The following LEMD2 variants were observed in gnomAD, a reference collection of about 807,000 sequenced individuals.
LEMD2 encodes the protein LEM domain-containing protein 2.
In LEMD2, 34 loss-of-function variants were observed where a neutral mutation model predicts 58.8. The observed-to-expected ratio is 0.58, with a 90% CI of 0.44 to 0.77. The LOEUF (loss-of-function observed/expected upper bound fraction) is 0.77. LEMD2 is among the 30% of genes least tolerant of loss of function. The probability of loss-of-function intolerance (pLI) is 0.00; values close to 1 mark genes in which losing one functional copy is unlikely to be tolerated. For synonymous variants in LEMD2, 298 were observed against 308.9 expected, an observed-to-expected ratio of 0.96 and a Z score of 0.37; for missense variants, 629 against 717.9, an observed-to-expected ratio of 0.88 and a Z score of 1.42.
rs144947862 is a variant in LEMD2, at chr6:33,772,511, C to G, written c.*117G>C. ...GCAGACCTTTGGAATCGTGTCAGGA[C>G]GAGACTGAAAGTCAAGGCAAGTGTG... On this transcript the variant is annotated 3_prime_UTR_variant, in exon 9 of 9. Transcript: ENST00000293760. The G allele has an allele frequency of 5.2e-6, 5 of 953,520 alleles. No homozygotes were observed. The highest frequency in any genetic ancestry group is 3.3e-5 in the South Asian group (2 of 60,212). 59.1% of individuals were successfully genotyped at this position (953,520 alleles called of 1,614,324 possible).
chr6:33,783,013 G>A (rs955348777), intron 3 of LEMD2, among the ~76,000 whole-genome samples: 4 of 152,222 alleles, frequency 2.6e-5, no homozygotes, highest in Admixed American at 2.6e-4. Context: ...ACCCAATTTC[G>A]AGCAGTGCTT....
rs375181086 is a variant in LEMD2, at chr6:33,786,962, G to A, written c.737-188C>T. The A allele has an allele frequency of 7.4e-5, 100 of 1,344,396 alleles. No homozygotes were observed. The Middle Eastern group carries it at 7.6e-4, about 10-fold the overall frequency. The allele number at this position is 1,344,396 out of a possible 1,614,324, so 83.3% of individuals were successfully genotyped here. A position where few individuals can be genotyped will look rare whatever the true frequency, so the allele number is the denominator to read the frequency against. ...AAAATGTAAGGGTATCCAAATCCTG[G>A]ATTAGGAATTACGATAGCTGGGTCC... On this transcript the variant is annotated intron_variant, in intron 1 of 8. Coordinates refer to ENST00000293760, the MANE Select transcript of LEMD2 (RefSeq NM_181336.4).
rs1393563324 is a variant in LEMD2, at chr6:33,778,412, A to T, written c.1011-25T>A. The T allele has an allele frequency of 1.4e-5, 20 of 1,467,624 alleles. No homozygotes were observed. In the East Asian group the frequency reaches 4.8e-4, roughly 35 times the overall value. The allele number at this position is 1,467,624 out of a possible 1,614,324, so 90.9% of individuals were successfully genotyped here. On this transcript the variant is annotated intron_variant, in intron 5 of 8. Transcript: ENST00000293760. This position sits in a 1 kb window ranked among gnomAD's most constrained non-coding sequence, Gnocchi z 4.7. ...CCTGAAACAGGACACAGGGCTCTGA[A>T]CATGTTGGAAAGCTCCAAGGAGAGG... is the stretch of plus-strand genomic sequence containing the variant.
chr6:33,780,377 T>G (rs1582257575), intron 4 of LEMD2, 198 bp from the exon 5 acceptor site: 1 of 603,988 alleles, frequency 1.7e-6, no homozygotes, highest in African/African-American at 1.8e-5. Context: ...CCAGAGGAGG[T>G]GATGCGGAAG....
intron 2 of LEMD2, among the ~76,000 whole-genome samples, chr6:33,786,498 G>A (rs1767680046): frequency 6.6e-6 from 1 of 152,158 alleles, no homozygotes; most frequent in African/African-American, 2.4e-5. Flanking sequence ...ACATTTGATG[G>A]GAAAGTGTCC....
At chr6:33,788,353 C>T (rs1461767423) in intron 1 of LEMD2, 28 bp downstream of exon 1, 11 of 1,524,918 alleles carry the variant, frequency 7.2e-6, no homozygotes, top group Admixed American at 3.9e-5. Flanking sequence ...GCGCCCAGGG[C>T]CCTCCCCTGC....
Position 33,778,498 on chromosome 6 carries a change from C to T in LEMD2, c.1011-111G>A. 2 of 816,548 alleles carry T rather than the reference C, an allele frequency of 2.4e-6. No homozygotes were observed. The highest frequency in any genetic ancestry group is 3.3e-4 in the Middle Eastern group (1 of 3,048). 50.6% of individuals were successfully genotyped at this position (816,548 alleles called of 1,614,324 possible). ...GGAAAGTGGGGACGCAAGGCCTCTA[C>T]TTGCTTATAGAATAGGCTTGGTATC... On this transcript the variant is annotated intron_variant, in intron 5 of 8. Coordinates refer to ENST00000293760, the MANE Select transcript of LEMD2 (RefSeq NM_181336.4). This position sits in a 1 kb window ranked among gnomAD's most constrained non-coding sequence, Gnocchi z 4.7.
At position 33,772,309 on chromosome 6, in the gene LEMD2, C is replaced by T. The variant is rs1398152858; in HGVS notation, c.*319G>A. On this transcript the variant is annotated 3_prime_UTR_variant, in exon 9 of 9. Transcript: ENST00000293760. ...GCCATGCCCCAGCCCACCAGCCCCA[C>T]GCTTGTCAGCTGGGCCTGACAGCTG... 4 of 212,800 alleles carry T rather than the reference C, an allele frequency of 1.9e-5. No homozygotes were observed. Among genetic ancestry groups the T allele is most frequent in the East Asian group, 1.3e-4 (1 of 7,822 alleles). 13.2% of individuals were successfully genotyped at this position (212,800 alleles called of 1,614,324 possible).
chr6:33,771,243 G>T lies in LEMD2; in HGVS notation c.*1385C>A, dbSNP rs1332014648. On this transcript the variant is annotated 3_prime_UTR_variant, in exon 9 of 9. Coordinates refer to ENST00000293760, the MANE Select transcript of LEMD2 (RefSeq NM_181336.4). ...TTTTAATAAATAGTTTATTCATCCA[G>T]CAGTTTCAGCCCTGATACTGAAGCC... The T allele has an allele frequency of 1.3e-5, 2 of 152,242 alleles. No homozygotes were observed. The highest frequency in any genetic ancestry group is 2.9e-5 in the Non-Finnish European group (2 of 68,054). 9.4% of individuals were successfully genotyped at this position (152,242 alleles called of 1,614,324 possible).
At chr6:33,779,154 C>T (rs1411557343) in intron 5 of LEMD2, 1 of 152,160 alleles carries the variant, frequency 6.6e-6, no homozygotes. Flanking sequence ...TGAGTGTCAT[C>T]ATTCTTCTGT....
chr6:33,772,983 A>C (rs1767339503), intron 8 of LEMD2, among the ~76,000 whole-genome samples: 1 of 152,358 alleles, frequency 6.6e-6, no homozygotes, highest in South Asian at 2.1e-4. Flanking sequence ...TCACTGATCC[A>C]AACACATTCA....
intron 1 of LEMD2, chr6:33,787,005 G>T (rs1417439748): frequency 2.1e-6 from 2 of 939,164 alleles, no homozygotes; most frequent in Admixed American, 7.3e-5. Context: ...AGCTGAAAAT[G>T]ATTAGCTCAA....
At chr6:33,780,452 G>A (rs995228009) in intron 4 of LEMD2, among the ~76,000 whole-genome samples, 3 of 152,232 alleles carry the variant, frequency 2.0e-5, no homozygotes, top group African/African-American at 7.2e-5. Flanking sequence ...GAGGATGGAA[G>A]CATCAGGCCA....
chr6:33,776,852 C>A, intron 8 of LEMD2, 102 bp downstream of exon 8: 1 of 943,772 alleles, frequency 1.1e-6, no homozygotes, highest in East Asian at 2.6e-5. Flanking sequence ...CTGCACTGCC[C>A]TCAGCTGACA....
intron 1 of LEMD2, chr6:33,787,049 G>T: frequency 2.1e-6 from 1 of 479,578 alleles, no homozygotes; most frequent in Non-Finnish European, 3.5e-6. Flanking sequence ...CTGAACCTCT[G>T]TCTCCTCGTC....
intron 1 of LEMD2, among the ~76,000 whole-genome samples, chr6:33,787,873 T>A (rs941914215): frequency 6.6e-6 from 1 of 152,224 alleles, no homozygotes; most frequent in Non-Finnish European, 1.5e-5. Context: ...ATTCTCCTGT[T>A]GACAAAGCGG....
Position 33,788,828 on chromosome 6 carries a change from C to T in LEMD2, c.289G>A (p.Ala97Thr). The change falls in exon 1 of 9, where the codon GCC (alanine) becomes ACC (threonine). Residue 97 changes from alanine (A) to threonine (T), a missense_variant. By Grantham distance (58) the Ala-to-Thr change is moderately conservative. This residue lies in a region of LEMD2 where 386 missense variants were observed against 381.1 expected (regional missense o/e 1.01). Coordinates refer to ENST00000293760, the MANE Select transcript of LEMD2 (RefSeq NM_181336.4). ...PWLSQPASGSAYATPGAYGDI... is the reference protein window; with the variant it reads ...PWLSQPASGSTYATPGAYGDI... ...CCGTAGGCCCCAGGGGTCGCGTAGG[C>T]CGAGCCCGAGGCCGGCTGGGAGAGC... 7.0e-7 allele frequency: 1 copy of T among 1,425,620 alleles called. No individual in the cohort carries two copies. Among genetic ancestry groups the T allele is most frequent in the Non-Finnish European group, 9.2e-7 (1 of 1,092,332 alleles). The allele number at this position is 1,425,620 out of a possible 1,614,324, so 88.3% of individuals were successfully genotyped here.
chr6:33,781,792 T>G (rs936073023), intron 3 of LEMD2: 3 of 152,406 alleles, frequency 2.0e-5, no homozygotes, highest in African/African-American at 7.2e-5. Flanking sequence ...GGGGGCCTTT[T>G]GTTTGATGAA....
intron 1 of LEMD2, among the ~76,000 whole-genome samples, chr6:33,787,396 G>C (rs1480493847): frequency 6.6e-6 from 1 of 152,212 alleles, no homozygotes; most frequent in Non-Finnish European, 1.5e-5. Context: ...TTGCACACGA[G>C]TCTGTTAATA....
Sources: gnomAD v4.1 joint callset for allele counts (sites outside exome capture counted in the v4.1 genomes callset) on GRCh38, gnomAD v4.1.1 for gene constraint, gnomAD v4.1.1 regional missense constraint, Gnocchi (gnomAD v3.1) non-coding constraint, MANE v1.5 for transcripts, NCBI Gene and HGNC (gene_info 2026-07-23, HGNC 2026-07-21) for gene names.